PRKCE: variants seen among roughly 807,000 people sequenced by gnomAD.
The protein encoded by PRKCE is protein kinase C epsilon.
In PRKCE, 16 loss-of-function variants were observed where a neutral mutation model predicts 85.4. The ratio of observed to expected loss-of-function variants is 0.19; its 90% confidence interval spans 0.13 to 0.28. PRKCE has a LOEUF of 0.28. Among genes scored for constraint, PRKCE ranks in the 10% least tolerant of loss-of-function variants. PRKCE has a pLI of 1.00. For missense variants in PRKCE, 573 were observed against 975.2 expected, an observed-to-expected ratio of 0.59 and a Z score of 5.49; for synonymous variants, 388 against 371.5, an observed-to-expected ratio of 1.04 and a Z score of -0.51.
intron 10 of PRKCE, among the ~76,000 whole-genome samples, chr2:46,017,736 T>C (rs1465811092): frequency 6.6e-6 from 1 of 152,242 alleles, no homozygotes; most frequent in Non-Finnish European, 1.5e-5. Flanking sequence ...TATTTGATAG[T>C]AGCCATTCTG....
chr2:46,067,519 G>T lies in PRKCE; in HGVS notation c.1438-18689G>T, dbSNP rs754666019. 2.0e-5 allele frequency among the ~76,000 whole-genome samples: 3 copies of T among 152,164 alleles called. No individual in the cohort carries two copies. In the South Asian group the frequency reaches 6.2e-4, roughly 32 times the overall value. On this transcript the variant is annotated intron_variant, in intron 10 of 14. Transcript: ENST00000306156. ...CTTTCTCGTCTCTTCCACATGTTTG[G>T]TGCGTATTCAGGTTTGGGCCCAGCC... is the stretch of plus-strand genomic sequence containing the variant.
At chr2:46,100,015 G>T (rs61614993) in intron 11 of PRKCE, among the ~76,000 whole-genome samples, 18,757 of 152,144 alleles carry the variant, frequency 0.12, 1,283 homozygotes, top group Middle Eastern at 0.27. Flanking sequence ...TTGGGCAAAT[G>T]ACTTCTCCTT....
At chr2:46,058,691 A>G (rs141954711) in intron 10 of PRKCE, among the ~76,000 whole-genome samples, 1 of 151,940 alleles carries the variant, frequency 6.6e-6, no homozygotes, top group Non-Finnish European at 1.5e-5. Context: ...CTCACATTGA[A>G]TTGATTGATT....
At chr2:46,084,718 C>CAAA (rs11314680) in intron 10 of PRKCE, among the ~76,000 whole-genome samples, 27 of 92,136 alleles carry the variant, frequency 2.9e-4, no homozygotes, top group East Asian at 6.9e-4. Flanking sequence ...GAGACTCCAT[C>CAAA]AAAAAAAAAA....
At chr2:45,838,396 T>A (rs1019153327) in intron 1 of PRKCE, among the ~76,000 whole-genome samples, 3 of 152,146 alleles carry the variant, frequency 2.0e-5, no homozygotes, top group African/African-American at 7.2e-5. Flanking sequence ...ATCAGAAAAG[T>A]AGAGAATATT....
At chr2:45,817,709 A>T (rs1230129246) in intron 1 of PRKCE, among the ~76,000 whole-genome samples, 1 of 152,174 alleles carries the variant, frequency 6.6e-6, no homozygotes, top group African/African-American at 2.4e-5. Flanking sequence ...ACAAAAAAAA[A>T]ACTTTCCAAT....
chr2:46,158,292 A>T (rs912908043), intron 13 of PRKCE, among the ~76,000 whole-genome samples: 1 of 152,222 alleles, frequency 6.6e-6, no homozygotes. Flanking sequence ...CTGGAGAGGG[A>T]CATTCAACCA....
intron 10 of PRKCE, among the ~76,000 whole-genome samples, chr2:46,047,150 A>G (rs1367818269): frequency 1.3e-5 from 2 of 152,134 alleles, no homozygotes; most frequent in South Asian, 4.1e-4. Context: ...TTTTATCCCT[A>G]CTTAGAGAAG....
chr2:46,154,614 C>A (rs1450026184), intron 13 of PRKCE, among the ~76,000 whole-genome samples: 1 of 152,024 alleles, frequency 6.6e-6, no homozygotes. Flanking sequence ...CCCTCTGGGA[C>A]TGGGTCTCCT....
chr2:45,865,088 G>T (rs918036716), intron 2 of PRKCE, among the ~76,000 whole-genome samples: 12 of 152,182 alleles, frequency 7.9e-5, no homozygotes, highest in Non-Finnish European at 1.5e-4. Flanking sequence ...AAGTTACCTG[G>T]GGAACTTGTT....
intron 11 of PRKCE, among the ~76,000 whole-genome samples, chr2:46,119,998 G>A (rs1483507128): frequency 7.0e-6 from 1 of 143,804 alleles, no homozygotes; most frequent in Non-Finnish European, 1.5e-5. Flanking sequence ...GCACCTTTTG[G>A]AGATGCTATG....
At chr2:45,691,553 T>C (rs1019229101) in intron 1 of PRKCE, among the ~76,000 whole-genome samples, 1 of 152,242 alleles carries the variant, frequency 6.6e-6, no homozygotes, top group African/African-American at 2.4e-5. Flanking sequence ...CATTCATTCC[T>C]AAAAGGCTTT....
At chr2:46,100,870 TC>T (rs1179521667) in intron 11 of PRKCE, among the ~76,000 whole-genome samples, 9 of 150,070 alleles carry the variant, frequency 6.0e-5, no homozygotes, top group Admixed American at 3.3e-4. Flanking sequence ...TCTTCTCTTC[TC>T]TTCTCTTCTC....
chr2:46,175,969 T>TGGAG, intron 14 of PRKCE, among the ~76,000 whole-genome samples: 1 of 152,272 alleles, frequency 6.6e-6, no homozygotes, highest in Middle Eastern at 3.4e-3. Context: ...GAATCACTTA[T>TGGAG]GGAGCTTTAA....
In PRKCE at chr2:45,866,110, G is replaced by A. The variant is rs184103829; in HGVS notation, c.412+23047G>A. ...GCTGGGATTACAGGCATGAGCCACC[G>A]TGCCCAGCAGTTCGTTTTCTTTATA... is the stretch of plus-strand genomic sequence containing the variant. On this transcript the variant is annotated intron_variant, in intron 2 of 14. Coordinates refer to ENST00000306156, the MANE Select transcript of PRKCE (RefSeq NM_005400.3). 5.2e-3 allele frequency among the ~76,000 whole-genome samples: 787 copies of A among 151,296 alleles called. 8 individuals carry two copies. Among genetic ancestry groups the A allele is most frequent in the African/African-American group, 0.018 (736 of 41,216 alleles).
intron 1 of PRKCE, among the ~76,000 whole-genome samples, chr2:45,715,292 A>G (rs1245182654): frequency 6.6e-6 from 1 of 152,080 alleles, no homozygotes; most frequent in Non-Finnish European, 1.5e-5. Context: ...TGATCTTGTC[A>G]CCTCTGCTAG....
At chr2:45,695,629 C>T (rs539155237) in intron 1 of PRKCE, among the ~76,000 whole-genome samples, 32 of 152,168 alleles carry the variant, frequency 2.1e-4, no homozygotes, top group Admixed American at 3.3e-4. Context: ...AAAAATTAGC[C>T]GGGTGTGATG....
At chr2:45,658,820 C>A (rs964055490) in intron 1 of PRKCE, among the ~76,000 whole-genome samples, 4 of 152,194 alleles carry the variant, frequency 2.6e-5, no homozygotes, top group Non-Finnish European at 5.9e-5. Flanking sequence ...AAAAGTCTTA[C>A]ATACTCTAAA....
chr2:46,052,333 TAC>T (rs1708908193), intron 10 of PRKCE, among the ~76,000 whole-genome samples: 1 of 152,152 alleles, frequency 6.6e-6, no homozygotes, highest in African/African-American at 2.4e-5. Flanking sequence ...CAAAATCAAT[TAC>T]AGTTCTTTAT....
Sources: gnomAD v4.1 joint callset for allele counts (sites outside exome capture counted in the v4.1 genomes callset) on GRCh38, gnomAD v4.1.1 for gene constraint, MANE v1.5 for transcripts, NCBI Gene and HGNC (gene_info 2026-07-23, HGNC 2026-07-21) for gene names.